GRM3: variants seen among roughly 807,000 people sequenced by gnomAD.
GRM3 encodes glutamate metabotropic receptor 3, also known as metabotropic glutamate receptor 3.
Under a neutral mutation model 70.5 loss-of-function variants are expected in GRM3, and 26 were observed. That is an observed-to-expected ratio of 0.37 (90% CI 0.27 to 0.51). The LOEUF is 0.51. Among genes scored for constraint, GRM3 ranks in the 20% least tolerant of loss-of-function variants. GRM3 has a pLI of 0.93. For synonymous variants in GRM3, 443 were observed against 434.9 expected (o/e 1.02, Z -0.23); for missense variants, 859 against 1,123.8 (o/e 0.76, Z 3.37).
chr7:86,784,418 G>T (rs1370353550), intron 2 of GRM3: 1 of 152,170 alleles, frequency 6.6e-6, no homozygotes, highest in Non-Finnish European at 1.5e-5. Context: ...GTATCAAGAA[G>T]AGATGGCCTC....
At position 86,864,653 on chromosome 7, in the gene GRM3, A is replaced by T. The variant is rs1386939409; in HGVS notation, c.*298A>T. 5.7e-6 allele frequency: 1 copy of T among 174,962 alleles called. No individual in the cohort carries two copies. Among genetic ancestry groups the T allele is most frequent in the African/African-American group, 6.0e-5 (1 of 16,746 alleles). The allele number at this position is 174,962 out of a possible 1,614,324, so 10.8% of individuals were successfully genotyped here. ...TACTAAAAAACAAAAAAAAAAAACA[A>T]AAAAAAAAAAACAAAAGAAAAAAAT... On this transcript the variant is annotated 3_prime_UTR_variant, in exon 6 of 6. Transcript: ENST00000361669.
intron 2 of GRM3, among the ~76,000 whole-genome samples, chr7:86,773,990 G>A (rs756299871): frequency 2.6e-5 from 4 of 152,084 alleles, no homozygotes; most frequent in South Asian, 2.1e-4. Flanking sequence ...TGGAGGTCAC[G>A]CGATAAAAAG....
chr7:86,690,611 G>A (rs1007362038), intron 1 of GRM3, among the ~76,000 whole-genome samples: 1 of 152,050 alleles, frequency 6.6e-6, no homozygotes, highest in African/African-American at 2.4e-5. Flanking sequence ...AGGGGCAAGG[G>A]AGAAATCAAG....
At chr7:86,753,596 G>C (rs149499849) in intron 1 of GRM3, among the ~76,000 whole-genome samples, 1 of 151,830 alleles carries the variant, frequency 6.6e-6, no homozygotes, top group Non-Finnish European at 1.5e-5. Context: ...TATATTTTAA[G>C]CTCTTCTATT....
chr7:86,750,603 T>C (rs1157672803), intron 1 of GRM3, among the ~76,000 whole-genome samples: 1 of 151,780 alleles, frequency 6.6e-6, no homozygotes, highest in African/African-American at 2.4e-5. Context: ...TAAGATGAAA[T>C]TTAGAGTGAC....
chr7:86,682,269 T>C (rs1022743808), intron 1 of GRM3, among the ~76,000 whole-genome samples: 4 of 152,180 alleles, frequency 2.6e-5, no homozygotes, highest in African/African-American at 9.6e-5. Context: ...AATAGAGCAG[T>C]ATTTGATATT....
At chr7:86,759,467 A>G (rs1433512818) in intron 1 of GRM3, among the ~76,000 whole-genome samples, 1 of 152,134 alleles carries the variant, frequency 6.6e-6, no homozygotes, top group East Asian at 1.9e-4. Flanking sequence ...CTCCTGATCA[A>G]TCTTTCTAAA....
intron 1 of GRM3, among the ~76,000 whole-genome samples, chr7:86,728,616 C>A (rs924502813): frequency 6.6e-6 from 1 of 152,184 alleles, no homozygotes; most frequent in Non-Finnish European, 1.5e-5. Context: ...TTCACCTCAT[C>A]ATCTTCCCTC....
chr7:86,803,388 T>C (rs1452635960), intron 3 of GRM3, among the ~76,000 whole-genome samples: 1 of 152,222 alleles, frequency 6.6e-6, no homozygotes, highest in East Asian at 1.9e-4. Flanking sequence ...ATTCCTTTTC[T>C]GCCTTTTTCT....
At chr7:86,808,980 G>A (rs1331203541) in intron 3 of GRM3, among the ~76,000 whole-genome samples, 2 of 151,914 alleles carry the variant, frequency 1.3e-5, no homozygotes, top group Admixed American at 1.3e-4. Flanking sequence ...AGAAGTGACA[G>A]GAACAATATC....
At chr7:86,732,697 G>C (rs79815457) in intron 1 of GRM3, among the ~76,000 whole-genome samples, 4,396 of 152,248 alleles carry the variant, frequency 0.029, 202 homozygotes, top group African/African-American at 0.1. Context: ...GATTCAATAA[G>C]TTTCCAATGG....
chr7:86,786,573 C>G lies in GRM3; in HGVS notation c.781C>G (p.Arg261Gly), dbSNP rs768886254. 6.2e-7 allele frequency: 1 copy of G among 1,613,906 alleles called. No individual in the cohort carries two copies. The highest frequency in any genetic ancestry group is 8.5e-7 in the Non-Finnish European group (1 of 1,180,042). ...CCGCAAGTCCTACGACAGCGTGATC[C>G]GAGAACTGTTGCAGAAGCCCAACGC... is the stretch of plus-strand genomic sequence containing the variant. ...NIRKSYDSVI[R>G]ELLQKPNARV... Residue 261 changes from arginine to glycine, a missense_variant, in exon 3 of 6, where the codon CGA becomes GGA. Coordinates refer to ENST00000361669, the MANE Select transcript of GRM3 (RefSeq NM_000840.3). The surrounding 1 kb of genome is among the most constrained non-coding windows in gnomAD (Gnocchi z 6.0).
intron 5 of GRM3, among the ~76,000 whole-genome samples, chr7:86,851,624 C>T (rs1798756389): frequency 6.6e-6 from 1 of 152,094 alleles, no homozygotes; most frequent in African/African-American, 2.4e-5. Flanking sequence ...ACATTAGCGC[C>T]CCAATTTCTC....
chr7:86,729,096 C>T (rs553710355), intron 1 of GRM3, among the ~76,000 whole-genome samples: 11 of 152,260 alleles, frequency 7.2e-5, no homozygotes, highest in African/African-American at 2.6e-4. Flanking sequence ...TTCTGATTAG[C>T]TTCCTTTTGT....
chr7:86,777,792 C>T (rs1200663074), intron 2 of GRM3, among the ~76,000 whole-genome samples: 1 of 152,162 alleles, frequency 6.6e-6, no homozygotes, highest in Non-Finnish European at 1.5e-5. Flanking sequence ...GCAGTTTTGT[C>T]AACTATATAC....
chr7:86,672,242 T>C (rs919019936), intron 1 of GRM3, among the ~76,000 whole-genome samples: 7 of 152,174 alleles, frequency 4.6e-5, no homozygotes, highest in Non-Finnish European at 1.0e-4. Context: ...AGGAAGCCTG[T>C]AGTGGAGAAG....
intron 1 of GRM3, among the ~76,000 whole-genome samples, chr7:86,655,842 GTGTGT>G (rs1793723635): frequency 7.4e-6 from 1 of 135,694 alleles, no homozygotes; most frequent in African/African-American, 3.0e-5. Context: ...GTGTGTGTGT[GTGTGT>G]GTGTGGGTGG....
chr7:86,699,709 TA>T (rs1794906256), intron 1 of GRM3, among the ~76,000 whole-genome samples: 1 of 152,000 alleles, frequency 6.6e-6, no homozygotes, highest in African/African-American at 2.4e-5. Flanking sequence ...CCGATCTCAG[TA>T]CAGATTTCAT....
chr7:86,812,504 G>A (rs377059584), intron 3 of GRM3, among the ~76,000 whole-genome samples: 2 of 151,760 alleles, frequency 1.3e-5, no homozygotes, highest in Non-Finnish European at 2.9e-5. Flanking sequence ...TAGGATTAAC[G>A]TTAAGAATTT....
Sources: gnomAD v4.1 joint callset for allele counts (sites outside exome capture counted in the v4.1 genomes callset) on GRCh38, gnomAD v4.1.1 for gene constraint, Gnocchi (gnomAD v3.1) non-coding constraint, MANE v1.5 for transcripts, NCBI Gene and HGNC (gene_info 2026-07-23, HGNC 2026-07-21) for gene names.